The following ZNF217 variants were observed in gnomAD, a reference collection of about 807,000 sequenced individuals.
The protein encoded by ZNF217 is zinc finger protein 217.
In ZNF217, 12 loss-of-function variants were observed where a neutral mutation model predicts 73.3. That is an observed-to-expected ratio of 0.16 (90% confidence interval 0.10 to 0.27). The LOEUF is 0.27. Among genes scored for constraint, ZNF217 ranks in the 10% least tolerant of loss-of-function variants. The pLI is 1.00. For missense variants in ZNF217, 1,195 were observed against 1,327.8 expected (o/e 0.90, Z 1.55); for synonymous variants, 588 against 516.4 (o/e 1.14, Z -1.88).
chr20:53,576,203 G>T lies in ZNF217; in HGVS notation c.2561C>A (p.Thr854Lys). 6.2e-7 allele frequency: 1 copy of T among 1,614,214 alleles called. No individual in the cohort carries two copies. The highest frequency in any genetic ancestry group is 8.5e-7 in the Non-Finnish European group (1 of 1,180,036). ...KTSVSPAPDK[T>K]KRPETKLKPL... ...TTTCAATTTTGTCTCGGGTCTTTTT[G>T]TCTTATCCGGTGCAGGGGAAACACT... is the stretch of plus-strand genomic sequence containing the variant. Residue 854 changes from threonine to lysine, a missense_variant, in exon 4 of 6, where the codon ACA becomes AAA. Physicochemically the swap from Thr to Lys is moderately conservative, Grantham distance 78. Transcript: ENST00000371471.
chr20:53,576,703 T>A lies in ZNF217; in HGVS notation c.2061A>T (p.Leu687Phe). The change falls in exon 4 of 6, where the codon TTA becomes TTT. Residue 687 changes from leucine (L) to phenylalanine (F), a missense_variant. Leu to Phe is a conservative substitution (Grantham distance 22). Transcript: ENST00000371471. ...TGTGAAGAGCCCCCACGGATAAATT[T>A]AAAGGTTTTTCGTGACAATCCACAC... Reference protein sequence around the residue: ...RPSVDCHEKPLNLSVGALHNC... With the variant: ...RPSVDCHEKPFNLSVGALHNC... The A allele has an allele frequency of 6.2e-7, 1 of 1,614,186 alleles. No homozygotes were observed. The highest frequency in any genetic ancestry group is 8.5e-7 in the Non-Finnish European group (1 of 1,180,036).
At chr20:53,590,896 A>G (rs1002608475) in intron 1 of ZNF217, among the ~76,000 whole-genome samples, 37 of 152,184 alleles carry the variant, frequency 2.4e-4, no homozygotes, top group South Asian at 1.4e-3. Context: ...CCTCCAAAAC[A>G]AGTCCACTGG....
intron 1 of ZNF217, among the ~76,000 whole-genome samples, chr20:53,585,925 G>A (rs942540460): frequency 5.3e-5 from 8 of 152,152 alleles, no homozygotes; most frequent in African/African-American, 1.7e-4. Flanking sequence ...TTCTGAGACT[G>A]ACTCTAATAG....
intron 1 of ZNF217, among the ~76,000 whole-genome samples, chr20:53,592,518 C>A (rs1988914705): frequency 6.7e-6 from 1 of 148,564 alleles, no homozygotes; most frequent in Non-Finnish European, 1.5e-5. Context: ...TCACCCCACC[C>A]CCACCCGCCC....
Position 53,581,841 on chromosome 20 carries a change from G to T in ZNF217, c.986C>A (p.Ser329Tyr). 2 of 1,614,244 alleles carry T rather than the reference G, an allele frequency of 1.2e-6. No homozygotes were observed. The highest frequency in any genetic ancestry group is 1.7e-6 in the Non-Finnish European group (2 of 1,180,048). ...EGSTDNDDSS[S>Y]EKELGETNKG... Reference sequence around the variant, plus strand: ...ATTTGTTTCTCCAAGCTCCTTCTCGGAACTCGAATCGTCGTTGTCGGTGCT... The same window carrying T: ...ATTTGTTTCTCCAAGCTCCTTCTCGTAACTCGAATCGTCGTTGTCGGTGCT... Residue 329 changes from serine to tyrosine, a missense_variant, in exon 2 of 6, where the codon TCC becomes TAC. Ser to Tyr is a moderately radical substitution (Grantham distance 144). Around this residue, in one of 9 missense-constraint regions of ZNF217, gnomAD observed 102 missense variants for 91.9 expected, o/e 1.11. Coordinates refer to ENST00000371471, the MANE Select transcript of ZNF217 (RefSeq NM_006526.3). The surrounding 1 kb of genome is among the most constrained non-coding windows in gnomAD (Gnocchi z 4.9).
chr20:53,579,165 G>A (rs16998241), intron 2 of ZNF217, among the ~76,000 whole-genome samples: 7 of 152,260 alleles, frequency 4.6e-5, no homozygotes, highest in East Asian at 1.9e-4. Flanking sequence ...TGTGTCTCAC[G>A]TGCATCAGGA....
intron 2 of ZNF217, among the ~76,000 whole-genome samples, chr20:53,580,614 C>T (rs1430483582): frequency 6.6e-6 from 1 of 152,222 alleles, no homozygotes; most frequent in Non-Finnish European, 1.5e-5. Context: ...AGCATGCCTT[C>T]AGTGATCACC....
Position 53,582,190 on chromosome 20 carries a change from A to G in ZNF217, c.637T>C (p.Ser213Pro). The change falls in exon 2 of 6, where the codon TCT (serine) becomes CCT (proline). Residue 213 changes from serine to proline, a missense_variant. By Grantham distance (74) the Ser-to-Pro change is moderately conservative. This residue lies in a region of ZNF217 where 126 missense variants were observed against 114.4 expected (regional missense o/e 1.10). Transcript: ENST00000371471. This position sits in a 1 kb window ranked among gnomAD's most constrained non-coding sequence, Gnocchi z 4.8. ...VQVHAAESISSPYKICMVCGF... is the reference protein window; with the variant it reads ...VQVHAAESISPPYKICMVCGF... The stretch of plus-strand genomic sequence containing the variant: ...CAAACCATGCAGATTTTGTAAGGAG[A>G]GGAGATGCTCTCGGCCGCGTGCACC... The G allele has an allele frequency of 6.2e-7, 1 of 1,614,058 alleles. No homozygotes were observed. Among genetic ancestry groups the G allele is most frequent in the Non-Finnish European group, 8.5e-7 (1 of 1,180,024 alleles).
intron 1 of ZNF217, among the ~76,000 whole-genome samples, chr20:53,589,195 C>A (rs1988798726): frequency 6.6e-6 from 1 of 152,094 alleles, no homozygotes; most frequent in South Asian, 2.1e-4. Flanking sequence ...TCTGGGGGAG[C>A]TTTTCTATAG....
chr20:53,569,195 A>C lies in ZNF217; in HGVS notation c.*93T>G. 7.4e-7 allele frequency: 1 copy of C among 1,349,914 alleles called. No individual in the cohort carries two copies. Among genetic ancestry groups the C allele is most frequent in the African/African-American group, 1.5e-5 (1 of 67,704 alleles). The allele number at this position is 1,349,914 out of a possible 1,614,324, so 83.6% of individuals were successfully genotyped here. ...ATCACAGCTTATTTCAGTAGCTTTC[A>C]CCATTCGCTTCTCAAAGGATGAAGT... On this transcript the variant is annotated 3_prime_UTR_variant, in exon 6 of 6. Coordinates refer to ENST00000371471, the MANE Select transcript of ZNF217 (RefSeq NM_006526.3).
intron 1 of ZNF217, among the ~76,000 whole-genome samples, chr20:53,592,646 G>A (rs1478245218): frequency 1.3e-5 from 2 of 151,468 alleles, no homozygotes; most frequent in African/African-American, 2.4e-5. Flanking sequence ...CGCGCCCCGC[G>A]TGCCGGGTCT....
rs566066263 is a variant in ZNF217 at position 53,581,615 on chromosome 20, G to C, written c.1212C>G (p.Gly404=). The C allele has an allele frequency of 6.2e-7, 1 of 1,614,182 alleles. No homozygotes were observed. The highest frequency in any genetic ancestry group is 8.5e-7 in the Non-Finnish European group (1 of 1,180,032). ...SRVHKKDRRA[G]AESPTMSVDG... ...CCACAGACATGGTGGGCGACTCCGC[G>C]CCGGCCCTCCGGTCCTTCTTGTGGA... The change falls in exon 2 of 6, where the codon GGC becomes GGG. Residue 404 remains glycine (G), a synonymous_variant. Coordinates refer to ENST00000371471, the MANE Select transcript of ZNF217 (RefSeq NM_006526.3). The surrounding 1 kb of genome is among the most constrained non-coding windows in gnomAD (Gnocchi z 4.9).
intron 1 of ZNF217, among the ~76,000 whole-genome samples, chr20:53,584,199 A>C (rs1988610669): frequency 6.6e-6 from 1 of 152,258 alleles, no homozygotes. Flanking sequence ...CATTGTTTTT[A>C]AATAGTCCCA....
At chr20:53,569,519 A>G (rs1022164922) in intron 5 of ZNF217, among the ~76,000 whole-genome samples, 3 of 152,126 alleles carry the variant, frequency 2.0e-5, no homozygotes, top group African/African-American at 7.2e-5. Context: ...AGTAGCTGGG[A>G]CTACAGGCAT....
intron 1 of ZNF217, among the ~76,000 whole-genome samples, chr20:53,591,293 A>C (rs1988870279): frequency 6.6e-6 from 1 of 152,230 alleles, no homozygotes; most frequent in African/African-American, 2.4e-5. Context: ...AAAGAGTGGG[A>C]CACTAAAGAA....
At chr20:53,593,027 G>T (rs1013100738) in intron 1 of ZNF217, among the ~76,000 whole-genome samples, 2 of 151,902 alleles carry the variant, frequency 1.3e-5, no homozygotes, top group African/African-American at 4.8e-5. Flanking sequence ...TAAAATTAGA[G>T]GAGGGAAAAA....
Position 53,569,184 on chromosome 20 carries a change from C to A in ZNF217, c.*104G>T. ...TGTACAGTACAATCACAGCTTATTT[C>A]AGTAGCTTTCACCATTCGCTTCTCA... On this transcript the variant is annotated 3_prime_UTR_variant, in exon 6 of 6. Transcript: ENST00000371471. 1 of 1,346,824 alleles carries A rather than the reference C, an allele frequency of 7.4e-7. No homozygotes were observed. Among genetic ancestry groups the A allele is most frequent in the Non-Finnish European group, 9.9e-7 (1 of 1,011,548 alleles). 83.4% of individuals were successfully genotyped at this position (1,346,824 alleles called of 1,614,324 possible). A position where few individuals can be genotyped will look rare whatever the true frequency, so the allele number is the denominator to read the frequency against.
intron 2 of ZNF217, 82 bp from the exon 3 acceptor site, chr20:53,578,532 A>G: frequency 2.3e-6 from 2 of 873,086 alleles, no homozygotes; most frequent in South Asian, 2.0e-5. Flanking sequence ...TATTCTTGAC[A>G]TAAACATTTT....
rs1783449543 is a variant in ZNF217, at chr20:53,569,108, GAAC to G, written c.*177_*179del. The G allele has an allele frequency of 1.5e-5, 19 of 1,292,484 alleles. No individual in the cohort carries two copies. The highest frequency in any genetic ancestry group is 1.9e-5 in the Non-Finnish European group (19 of 986,902). 80.1% of individuals were successfully genotyped at this position (1,292,484 alleles called of 1,614,324 possible). A position where few individuals can be genotyped will look rare whatever the true frequency, so the allele number is the denominator to read the frequency against. ...TTGCTATTTGGTACAAAAGTTAACA[GAAC>G]AACTTTACACAACTGTAGTGTTCCT... On this transcript the variant is annotated 3_prime_UTR_variant, in exon 6 of 6. Coordinates refer to ENST00000371471, the MANE Select transcript of ZNF217 (RefSeq NM_006526.3).
Sources: allele counts gnomAD v4.1 joint callset (sites outside exome capture counted in the v4.1 genomes callset), GRCh38; gene constraint gnomAD v4.1.1; regional missense constraint gnomAD v4.1.1; non-coding constraint Gnocchi (gnomAD v3.1); transcripts MANE v1.5; gene names NCBI Gene and HGNC (gene_info 2026-07-23, HGNC 2026-07-21).